SNTG1: variants seen among roughly 807,000 people sequenced by gnomAD.
The protein encoded by SNTG1 is syntrophin gamma 1, also known as gamma-1-syntrophin.
SNTG1 carries 39 observed loss-of-function variants against 74.7 expected under a neutral mutation model. That is an observed-to-expected ratio of 0.52 (90% confidence interval 0.40 to 0.68). The LOEUF (loss-of-function observed/expected upper bound fraction) is 0.68, where lower values mean the gene tolerates loss of function less well. SNTG1 is among the 30% of genes least tolerant of loss of function. The pLI is 0.00. For missense variants in SNTG1, 685 were observed against 609.5 expected, an observed-to-expected ratio of 1.12 and a Z score of -1.30; for synonymous variants, 254 against 217.1, an observed-to-expected ratio of 1.17 and a Z score of -1.49.
At chr8:50,731,676 C>T (rs2095513426) in intron 17 of SNTG1, among the ~76,000 whole-genome samples, 1 of 152,074 alleles carries the variant, frequency 6.6e-6, no homozygotes, top group Admixed American at 6.6e-5. Flanking sequence ...ATTTGCATTA[C>T]AGAGCAATGT....
chr8:50,435,730 G>A (rs752736951), intron 4 of SNTG1, among the ~76,000 whole-genome samples: 1 of 152,144 alleles, frequency 6.6e-6, no homozygotes, highest in African/African-American at 2.4e-5. Flanking sequence ...GGAGACACTG[G>A]CTATAATTTG....
chr8:50,739,297 C>A (rs548318932), intron 17 of SNTG1, among the ~76,000 whole-genome samples: 1 of 151,970 alleles, frequency 6.6e-6, no homozygotes, highest in Admixed American at 6.6e-5. Context: ...ATATAGCCAA[C>A]AAGCATATGA....
At chr8:50,640,785 C>T (rs1166904682) in intron 13 of SNTG1, among the ~76,000 whole-genome samples, 3 of 152,138 alleles carry the variant, frequency 2.0e-5, no homozygotes, top group South Asian at 2.1e-4. Flanking sequence ...AACCCCACAC[C>T]TTGTCATTAC....
intron 2 of SNTG1, among the ~76,000 whole-genome samples, chr8:50,356,169 A>G (rs2091811329): frequency 6.6e-6 from 1 of 151,928 alleles, no homozygotes; most frequent in Admixed American, 6.6e-5. Context: ...AGTGGGGTCT[A>G]TAGAGGGATA....
chr8:49,965,166 T>A (rs1320577700), intron 1 of SNTG1, among the ~76,000 whole-genome samples: 1 of 152,162 alleles, frequency 6.6e-6, no homozygotes, highest in Non-Finnish European at 1.5e-5. Context: ...ATATTTGCCA[T>A]TAATTCTGCT....
intron 17 of SNTG1, among the ~76,000 whole-genome samples, chr8:50,744,964 G>A (rs1332267122): frequency 6.6e-6 from 1 of 151,864 alleles, no homozygotes; most frequent in African/African-American, 2.4e-5. Flanking sequence ...GAAAGCATAG[G>A]GGAAAAGCTT....
At chr8:50,225,957 A>C (rs981211879) in intron 2 of SNTG1, among the ~76,000 whole-genome samples, 1 of 152,212 alleles carries the variant, frequency 6.6e-6, no homozygotes, top group Admixed American at 6.5e-5. Flanking sequence ...AATTTACACT[A>C]TTGTTAATTA....
In SNTG1 at chr8:50,526,456, G is replaced by T. The variant is rs534144621; in HGVS notation, c.467-3721G>T. Among the ~76,000 whole-genome samples, 392 of 152,156 alleles carry T rather than the reference G, an allele frequency of 2.6e-3. 1 individual carries two copies. Among genetic ancestry groups the T allele is most frequent in the Non-Finnish European group, 3.8e-3 (259 of 68,018 alleles). On this transcript the variant is annotated intron_variant, in intron 9 of 18. Coordinates refer to ENST00000642720, the MANE Select transcript of SNTG1 (RefSeq NM_018967.5). ...TGCTCTTGGCTTTGAGCTTACCTGG[G>T]TTACTGTGACTTATTAACTAGTTTC...
intron 2 of SNTG1, among the ~76,000 whole-genome samples, chr8:50,392,338 G>A (rs2092673609): frequency 6.6e-6 from 1 of 152,146 alleles, no homozygotes; most frequent in Non-Finnish European, 1.5e-5. Flanking sequence ...CCCTGGAGGT[G>A]GGATTTATAT....
chr8:50,667,395 G>A (rs2095255823), intron 15 of SNTG1, among the ~76,000 whole-genome samples: 1 of 152,040 alleles, frequency 6.6e-6, no homozygotes, highest in South Asian at 2.1e-4. Flanking sequence ...AAGGAACAGA[G>A]GTTTAACTAT....
At chr8:50,617,034 G>A (rs1321374282) in intron 13 of SNTG1, among the ~76,000 whole-genome samples, 2 of 152,066 alleles carry the variant, frequency 1.3e-5, no homozygotes, top group African/African-American at 4.8e-5. Flanking sequence ...TTGTTTCTCA[G>A]CAAATGTCAC....
intron 1 of SNTG1, among the ~76,000 whole-genome samples, chr8:50,015,700 T>C (rs970229697): frequency 6.6e-6 from 1 of 152,126 alleles, no homozygotes; most frequent in Non-Finnish European, 1.5e-5. Context: ...CTCAAACACA[T>C]CTTTATTAAT....
At chr8:50,293,367 C>T (rs1433435063) in intron 2 of SNTG1, among the ~76,000 whole-genome samples, 1 of 151,572 alleles carries the variant, frequency 6.6e-6, no homozygotes, top group East Asian at 2.0e-4. Context: ...TATATAGAAC[C>T]AGTCATATTG....
intron 1 of SNTG1, among the ~76,000 whole-genome samples, chr8:50,060,327 C>T (rs1233125292): frequency 1.3e-5 from 2 of 151,918 alleles, no homozygotes; most frequent in African/African-American, 4.8e-5. Flanking sequence ...TCTTTCACTC[C>T]CTTGATGGTG....
At chr8:50,667,824 G>T (rs922322431) in intron 15 of SNTG1, among the ~76,000 whole-genome samples, 6 of 151,350 alleles carry the variant, frequency 4.0e-5, no homozygotes, top group Admixed American at 4.0e-4. Flanking sequence ...AAATTAATAT[G>T]GTTATTTTTT....
intron 2 of SNTG1, among the ~76,000 whole-genome samples, chr8:50,383,206 A>G (rs183756595): frequency 1.2e-4 from 19 of 152,322 alleles, no homozygotes; most frequent in African/African-American, 4.6e-4. Flanking sequence ...AGCTCCAAAT[A>G]AAAACCATCA....
At chr8:50,737,316 G>A (rs1215662687) in intron 17 of SNTG1, among the ~76,000 whole-genome samples, 1 of 152,056 alleles carries the variant, frequency 6.6e-6, no homozygotes, top group Non-Finnish European at 1.5e-5. Flanking sequence ...TAGAATAAAT[G>A]GATAAATTCC....
At chr8:49,998,701 G>T (rs952928049) in intron 1 of SNTG1, among the ~76,000 whole-genome samples, 1 of 151,494 alleles carries the variant, frequency 6.6e-6, no homozygotes, top group Non-Finnish European at 1.5e-5. Flanking sequence ...CCCCTGGAAG[G>T]TCTTCAGGGA....
At chr8:50,554,104 G>T (rs73585184) in intron 12 of SNTG1, among the ~76,000 whole-genome samples, 3,468 of 152,196 alleles carry the variant, frequency 0.023, 128 homozygotes, top group African/African-American at 0.079. Flanking sequence ...CTTGCACAGA[G>T]TAGACTTTGC....
Sources: gnomAD v4.1 joint callset for allele counts (sites outside exome capture counted in the v4.1 genomes callset) on GRCh38, gnomAD v4.1.1 for gene constraint, MANE v1.5 for transcripts, NCBI Gene and HGNC (gene_info 2026-07-23, HGNC 2026-07-21) for gene names.